PRKD1: variants seen among roughly 807,000 people sequenced by gnomAD.
PRKD1 encodes the protein protein kinase D1.
A neutral mutation model predicts 95.9 loss-of-function variants in PRKD1; 63 were observed. The ratio of observed to expected loss-of-function variants is 0.66; its 90% CI spans 0.54 to 0.81. PRKD1 has a LOEUF of 0.81. PRKD1 is among the 30% of genes least tolerant of loss of function. The pLI, the probability that PRKD1 is intolerant of heterozygous loss-of-function variation, is 0.00. For synonymous variants in PRKD1, 425 were observed against 423.1 expected, an observed-to-expected ratio of 1.00 and a Z score of -0.05; for missense variants, 1,048 against 1,165.3, an observed-to-expected ratio of 0.90 and a Z score of 1.47.
intron 1 of PRKD1, among the ~76,000 whole-genome samples, chr14:29,807,911 G>A (rs919615237): frequency 1.8e-4 from 28 of 151,752 alleles, no homozygotes; most frequent in African/African-American, 5.6e-4. Context: ...TAGTATAGAC[G>A]GGATTTCACC....
At chr14:29,692,150 T>G (rs916593277) in intron 2 of PRKD1, among the ~76,000 whole-genome samples, 8 of 152,192 alleles carry the variant, frequency 5.3e-5, no homozygotes, top group South Asian at 2.1e-4. Context: ...CTTATAAAAG[T>G]GGGTCATTTT....
intron 1 of PRKD1, among the ~76,000 whole-genome samples, chr14:29,854,638 T>C (rs905763745): frequency 4.6e-5 from 7 of 152,156 alleles, no homozygotes; most frequent in African/African-American, 7.2e-5. Context: ...TTGAATAAAT[T>C]TGCATAAGTA....
At chr14:29,754,238 A>G (rs1887601899) in intron 1 of PRKD1, among the ~76,000 whole-genome samples, 1 of 152,142 alleles carries the variant, frequency 6.6e-6, no homozygotes, top group Non-Finnish European at 1.5e-5. Context: ...TTTCATATTC[A>G]TTGCTTATTT....
At chr14:29,816,541 T>C (rs1401471465) in intron 1 of PRKD1, among the ~76,000 whole-genome samples, 1 of 152,250 alleles carries the variant, frequency 6.6e-6, no homozygotes, top group Non-Finnish European at 1.5e-5. Flanking sequence ...TATTTGCTTT[T>C]CAAGTTCTCA....
At chr14:29,695,603 G>A (rs1247242186) in intron 2 of PRKD1, among the ~76,000 whole-genome samples, 1 of 152,252 alleles carries the variant, frequency 6.6e-6, no homozygotes, top group Non-Finnish European at 1.5e-5. Flanking sequence ...CCTAAGAGCT[G>A]CAGGTCTGGA....
chr14:29,920,124 A>T (rs550482333), intron 1 of PRKD1, among the ~76,000 whole-genome samples: 33 of 151,672 alleles, frequency 2.2e-4, no homozygotes, highest in Middle Eastern at 3.4e-3. Flanking sequence ...GGAGAAAGAA[A>T]AGAAAAGAGA....
chr14:29,777,814 T>C lies in PRKD1; in HGVS notation c.265-52140A>G, dbSNP rs577148353. ...CAGACATAATAGACATCTACAGAAC[T>C]CTCCACCCCAAATCAACAGAATATA... On this transcript the variant is annotated intron_variant, in intron 1 of 17. Transcript: ENST00000331968. 4.6e-5 allele frequency among the ~76,000 whole-genome samples: 7 copies of C among 152,164 alleles called. No homozygotes were observed. In the South Asian group the frequency reaches 1.5e-3, roughly 32 times the overall value.
At chr14:29,883,133 C>G (rs951536065) in intron 1 of PRKD1, among the ~76,000 whole-genome samples, 7 of 152,118 alleles carry the variant, frequency 4.6e-5, no homozygotes, top group African/African-American at 1.7e-4. Context: ...AAAGCAGGAG[C>G]AAGAGAGAGT....
intron 1 of PRKD1, among the ~76,000 whole-genome samples, chr14:29,880,179 T>C (rs1160123963): frequency 6.6e-6 from 1 of 152,132 alleles, no homozygotes; most frequent in African/African-American, 2.4e-5. Context: ...GCCCCTCCCA[T>C]CACTGGCCCA....
At chr14:29,805,000 T>G (rs555720097) in intron 1 of PRKD1, among the ~76,000 whole-genome samples, 1 of 152,350 alleles carries the variant, frequency 6.6e-6, no homozygotes, top group Non-Finnish European at 1.5e-5. Context: ...GGTTTCTTCC[T>G]ATTTCCCTAG....
At chr14:29,763,153 A>G (rs746943146) in intron 1 of PRKD1, among the ~76,000 whole-genome samples, 144 of 141,760 alleles carry the variant, frequency 1.0e-3, no homozygotes, top group Non-Finnish European at 2.0e-3. Context: ...AAAAAAAGTT[A>G]AAAATTATCC....
chr14:29,881,361 C>G (rs1035706230), intron 1 of PRKD1, among the ~76,000 whole-genome samples: 1 of 152,114 alleles, frequency 6.6e-6, no homozygotes, highest in Non-Finnish European at 1.5e-5. Flanking sequence ...AGCCTTTCAC[C>G]TCCCACCATG....
chr14:29,662,226 A>G (rs1882228218), intron 4 of PRKD1, among the ~76,000 whole-genome samples: 1 of 152,170 alleles, frequency 6.6e-6, no homozygotes, highest in South Asian at 2.1e-4. Context: ...TTAAATGTCT[A>G]TCTTATAAAC....
chr14:29,607,412 G>T (rs529225758), intron 13 of PRKD1, among the ~76,000 whole-genome samples: 1 of 152,218 alleles, frequency 6.6e-6, no homozygotes, highest in African/African-American at 2.4e-5. Flanking sequence ...GGGTTTCATA[G>T]ACAGAAATCA....
intron 16 of PRKD1, among the ~76,000 whole-genome samples, chr14:29,590,489 C>G (rs1464363605): frequency 6.6e-6 from 1 of 152,098 alleles, no homozygotes; most frequent in Admixed American, 6.6e-5. Context: ...ATTATGAACT[C>G]GGTGGATGTG....
chr14:29,744,041 C>T (rs774830897), intron 1 of PRKD1, among the ~76,000 whole-genome samples: 2 of 152,114 alleles, frequency 1.3e-5, no homozygotes, highest in Non-Finnish European at 2.9e-5. Flanking sequence ...TTTATCATCA[C>T]GCTCTTAAAG....
intron 1 of PRKD1, among the ~76,000 whole-genome samples, chr14:29,832,658 G>A (rs1027479651): frequency 5.3e-5 from 8 of 151,992 alleles, no homozygotes; most frequent in African/African-American, 1.7e-4. Context: ...AGGAGAACAC[G>A]AATTAGACTA....
intron 13 of PRKD1, among the ~76,000 whole-genome samples, chr14:29,622,832 A>T (rs961323070): frequency 6.6e-6 from 1 of 152,232 alleles, no homozygotes; most frequent in African/African-American, 2.4e-5. Flanking sequence ...CAATTGCAGT[A>T]AAATATAGAA....
chr14:29,807,910 C>T (rs972346630), intron 1 of PRKD1, among the ~76,000 whole-genome samples: 19 of 151,748 alleles, frequency 1.3e-4, no homozygotes, highest in Non-Finnish European at 2.4e-4. Flanking sequence ...CTAGTATAGA[C>T]GGGATTTCAC....
Sources: gnomAD v4.1 joint callset for allele counts (sites outside exome capture counted in the v4.1 genomes callset) on GRCh38, gnomAD v4.1.1 for gene constraint, MANE v1.5 for transcripts, NCBI Gene and HGNC (gene_info 2026-07-23, HGNC 2026-07-21) for gene names.